Variants in SLC16A14 observed in about 807,000 individuals in gnomAD.
SLC16A14 encodes solute carrier family 16 member 14.
Under a neutral mutation model 35.8 loss-of-function variants are expected in SLC16A14, and 14 were observed. The observed-to-expected ratio is 0.39, with a 90% CI of 0.26 to 0.61. SLC16A14 has a LOEUF of 0.61. Among genes scored for constraint, SLC16A14 ranks in the 20% least tolerant of loss-of-function variants. SLC16A14 has a pLI of 0.51. For synonymous variants in SLC16A14, 248 were observed against 258.9 expected (o/e 0.96, Z 0.40); for missense variants, 533 against 655.0 (o/e 0.81, Z 2.03).
At chr2:230,050,277 A>C (rs1055823204) in intron 2 of SLC16A14, among the ~76,000 whole-genome samples, 2 of 152,214 alleles carry the variant, frequency 1.3e-5, no homozygotes, top group African/African-American at 4.8e-5. Flanking sequence ...AGGATTCACA[A>C]AAAGTCCAGT....
In SLC16A14 at chr2:230,036,158, G is replaced by A. The variant is rs987753517; in HGVS notation, c.*1222C>T. 2 of 152,580 alleles carry A rather than the reference G, an allele frequency of 1.3e-5. No homozygotes were observed. The highest frequency in any genetic ancestry group is 4.1e-4 in the South Asian group (2 of 4,830). The allele number at this position is 152,580 out of a possible 1,614,324, so 9.5% of individuals were successfully genotyped here. A position where few individuals can be genotyped will look rare whatever the true frequency, so the allele number is the denominator to read the frequency against. ...GGCAGCCAGAAATTTCAAATGATCT[G>A]GGAAGAACATTCTGCAGTCTGAAAA... is the stretch of plus-strand genomic sequence containing the variant. On this transcript the variant is annotated 3_prime_UTR_variant, in exon 5 of 5. Transcript: ENST00000295190.
chr2:230,045,257 T>C (rs1048366844), intron 4 of SLC16A14, among the ~76,000 whole-genome samples: 1 of 152,230 alleles, frequency 6.6e-6, no homozygotes, highest in Non-Finnish European at 1.5e-5. Flanking sequence ...ATCTATATTC[T>C]ACATAAAAGA....
At position 230,046,249 on chromosome 2, in the gene SLC16A14, C is replaced by A; in HGVS notation, c.877G>T (p.Val293Phe). The change falls in exon 4 of 5, where the codon GTC (valine) becomes TTC (phenylalanine). Residue 293 changes from valine to phenylalanine, a missense_variant. Coordinates refer to ENST00000295190, the MANE Select transcript of SLC16A14 (RefSeq NM_152527.5). The surrounding 1 kb of genome is among the most constrained non-coding windows in gnomAD (Gnocchi z 5.0). ...TACCAGTCCTCGAAGCCCTTCCTGACTCTCATGGTGAGCCAGCTGACAGTC... is the reference window on the plus strand; with the variant it reads ...TACCAGTCCTCGAAGCCCTTCCTGAATCTCATGGTGAGCCAGCTGACAGTC... Reference protein sequence around the residue: ...LKTVSWLTMRVRKGFEDWYSG... With the variant: ...LKTVSWLTMRFRKGFEDWYSG... 1 of 1,614,242 alleles carries A rather than the reference C, an allele frequency of 6.2e-7. No homozygotes were observed. Among genetic ancestry groups the A allele is most frequent in the Non-Finnish European group, 8.5e-7 (1 of 1,180,050 alleles).
intron 1 of SLC16A14, among the ~76,000 whole-genome samples, chr2:230,064,781 T>C (rs931152561): frequency 4.6e-5 from 7 of 151,896 alleles, no homozygotes; most frequent in African/African-American, 1.7e-4. Flanking sequence ...GAGGCCGAGG[T>C]AGGCGGATCA....
Position 230,038,008 on chromosome 2 carries a change from ACTTT to A in SLC16A14, c.1382-481_1382-478del, listed in dbSNP as rs1474455923. On this transcript the variant is annotated intron_variant, in intron 4 of 4. Transcript: ENST00000295190. The surrounding 1 kb of genome is among the most constrained non-coding windows in gnomAD (Gnocchi z 4.4). ...AAGAGGCTGGGCAGAAGACATTTGA[ACTTT>A]CTTCATTCATTCTGAAGTATTTGAG... Among the ~76,000 whole-genome samples, 2 of 152,178 alleles carry A rather than the reference ACTTT, an allele frequency of 1.3e-5. No individual in the cohort carries two copies. Among genetic ancestry groups the A allele is most frequent in the Non-Finnish European group, 2.9e-5 (2 of 68,024 alleles).
rs1213734861 is a variant in SLC16A14, at chr2:230,046,743, A to T, written c.404-21T>A. The T allele has an allele frequency of 6.4e-7, 1 of 1,572,016 alleles. No homozygotes were observed. The highest frequency in any genetic ancestry group is 8.6e-7 in the Non-Finnish European group (1 of 1,164,776). ...CAGGCCTGTACAGGCCGACGGGGGG[A>T]AGAAAAGACACAGTGCAACATCAGT... On this transcript the variant is annotated intron_variant, in intron 3 of 4. Coordinates refer to ENST00000295190, the MANE Select transcript of SLC16A14 (RefSeq NM_152527.5). This position sits in a 1 kb window ranked among gnomAD's most constrained non-coding sequence, Gnocchi z 5.0.
At chr2:230,052,632 G>A (rs1348836715) in intron 2 of SLC16A14, among the ~76,000 whole-genome samples, 3 of 144,134 alleles carry the variant, frequency 2.1e-5, no homozygotes, top group African/African-American at 7.8e-5. Flanking sequence ...AAAAAAAAAA[G>A]GGAGAAAATT....
chr2:230,049,670 T>C (rs2106259560), intron 3 of SLC16A14, 91 bp downstream of exon 3: 1 of 1,391,944 alleles, frequency 7.2e-7, no homozygotes, highest in South Asian at 1.3e-5. Flanking sequence ...ACAGAATGTT[T>C]TAATGTGTCT....
In SLC16A14 at chr2:230,055,770, C is replaced by T. The variant is rs538149993; in HGVS notation, c.259+3324G>A. 2.0e-5 allele frequency among the ~76,000 whole-genome samples: 3 copies of T among 152,256 alleles called. No homozygotes were observed. In the South Asian group the frequency reaches 6.2e-4, roughly 32 times the overall value. ...AATATTGGGACATTTCATATCCTGG[C>T]CTTCTTCTGAGTCTTTTTTTGATGT... On this transcript the variant is annotated intron_variant, in intron 2 of 4. Transcript: ENST00000295190.
At chr2:230,064,986 G>A (rs1283166676) in intron 1 of SLC16A14, among the ~76,000 whole-genome samples, 2 of 152,116 alleles carry the variant, frequency 1.3e-5, no homozygotes, top group Admixed American at 6.5e-5. Flanking sequence ...CTCCAGCCTG[G>A]GCAACAAGAG....
rs545750991 is a variant in SLC16A14, at chr2:230,061,939, G to A, written c.-14-2573C>T. Among the ~76,000 whole-genome samples the A allele has an allele frequency of 6.5e-4, 98 of 151,930 alleles. 1 individual carries two copies. The highest frequency in any genetic ancestry group is 2.0e-3 in the African/African-American group (84 of 41,440). Reference sequence around the variant, plus strand: ...GTATTTTTATTAGAGACGGGGTTTCGCCATGATGGCCAGACTGGTCTTGAA... The same window carrying A: ...GTATTTTTATTAGAGACGGGGTTTCACCATGATGGCCAGACTGGTCTTGAA... On this transcript the variant is annotated intron_variant, in intron 1 of 4. Transcript: ENST00000295190.
intron 1 of SLC16A14, among the ~76,000 whole-genome samples, chr2:230,065,553 C>T (rs2077788345): frequency 6.6e-6 from 1 of 152,196 alleles, no homozygotes; most frequent in Non-Finnish European, 1.5e-5. Context: ...GCATGCCTGG[C>T]CCAAAAAGTT....
At chr2:230,041,842 C>T (rs942090907) in intron 4 of SLC16A14, among the ~76,000 whole-genome samples, 1 of 152,036 alleles carries the variant, frequency 6.6e-6, no homozygotes, top group Non-Finnish European at 1.5e-5. Context: ...TCTAGCACAC[C>T]TCGAATTTCT....
chr2:230,048,344 C>A lies in SLC16A14; in HGVS notation c.403+1417G>T, dbSNP rs1425288400. Among the ~76,000 whole-genome samples, 3 of 152,324 alleles carry A rather than the reference C, an allele frequency of 2.0e-5. No individual in the cohort carries two copies. In the South Asian group the frequency reaches 6.2e-4, roughly 32 times the overall value. On this transcript the variant is annotated intron_variant, in intron 3 of 4. Transcript: ENST00000295190. ...CTTTTAACTCTTATGCTAACGCATT[C>A]ATTGTAGCTCTGTACTCAAAAAGAG...
At position 230,045,969 on chromosome 2, in the gene SLC16A14, AG is replaced by A; in HGVS notation, c.1156del (p.Leu386CysfsTer16). On this transcript the variant is annotated frameshift_variant, in exon 4 of 5. Transcript: ENST00000295190. LOFTEE classifies it high-confidence loss of function. ...GAGGACAAGGGTGAAGTTGGCCAACAGGAAGACATTCCAAACACTAATGCAA... is the reference window on the plus strand; with the variant it reads ...GAGGACAAGGGTGAAGTTGGCCAACAGAAGACATTCCAAACACTAATGCAA... ...LPCISVWNVF[L>X]LANFTLVLSI... 1.9e-6 allele frequency: 3 copies of A among 1,613,494 alleles called. No individual in the cohort carries two copies. The highest frequency in any genetic ancestry group is 2.5e-6 in the Non-Finnish European group (3 of 1,179,370).
intron 4 of SLC16A14, among the ~76,000 whole-genome samples, chr2:230,044,419 G>T (rs529232942): frequency 6.7e-6 from 1 of 148,334 alleles, no homozygotes; most frequent in Non-Finnish European, 1.5e-5. Context: ...CGGAGGTTGC[G>T]TTAAGCTGAG....
chr2:230,058,417 ACTTACAT>A (rs2106272929), intron 2 of SLC16A14: 1 of 152,302 alleles, frequency 6.6e-6, no homozygotes, highest in Non-Finnish European at 1.5e-5. Flanking sequence ...GCATAATTTC[ACTTACAT>A]GAGGTACCTA....
intron 2 of SLC16A14, among the ~76,000 whole-genome samples, chr2:230,056,600 G>A (rs1026896773): frequency 3.0e-4 from 45 of 151,960 alleles, no homozygotes; most frequent in Admixed American, 2.6e-3. Context: ...TGGTGGAGTG[G>A]CTCACACCTG....
chr2:230,039,324 G>GA (rs745434745), intron 4 of SLC16A14, among the ~76,000 whole-genome samples: 37 of 148,622 alleles, frequency 2.5e-4, no homozygotes, highest in African/African-American at 7.4e-4. Flanking sequence ...AAATAGAAAA[G>GA]AAAAAAAAAA....
Sources: allele counts gnomAD v4.1 joint callset (sites outside exome capture counted in the v4.1 genomes callset), GRCh38; gene constraint gnomAD v4.1.1; non-coding constraint Gnocchi (gnomAD v3.1); transcripts MANE v1.5; gene names NCBI Gene and HGNC (gene_info 2026-07-23, HGNC 2026-07-21).